CNTN5: variants seen among roughly 807,000 people sequenced by gnomAD.
CNTN5 encodes the protein contactin-5.
CNTN5 carries 77 observed loss-of-function variants against 129.1 expected under a neutral mutation model. The ratio of observed to expected loss-of-function variants is 0.60; its 90% CI spans 0.50 to 0.72. CNTN5 has a LOEUF of 0.72. Among genes scored for constraint, CNTN5 ranks in the 30% least tolerant of loss-of-function variants. The pLI is 0.00. For missense variants in CNTN5, 1,478 were observed against 1,328.8 expected (o/e 1.11, Z -1.75); for synonymous variants, 509 against 465.6 (o/e 1.09, Z -1.20).
chr11:99,067,739 A>G (rs1209331047), intron 1 of CNTN5, among the ~76,000 whole-genome samples: 1 of 152,190 alleles, frequency 6.6e-6, no homozygotes, highest in Non-Finnish European at 1.5e-5. Flanking sequence ...ATAATTTATA[A>G]TGTTGTAATA....
chr11:99,840,817 T>C (rs922177306), intron 4 of CNTN5, among the ~76,000 whole-genome samples: 2 of 152,162 alleles, frequency 1.3e-5, no homozygotes, highest in Non-Finnish European at 2.9e-5. Context: ...CAACAAGTTA[T>C]AGATTCCATC....
intron 8 of CNTN5, among the ~76,000 whole-genome samples, chr11:99,988,629 G>A (rs1938848101): frequency 6.6e-6 from 1 of 152,126 alleles, no homozygotes; most frequent in Non-Finnish European, 1.5e-5. Context: ...CAAGATTAAG[G>A]TCTGTAATAC....
intron 1 of CNTN5, among the ~76,000 whole-genome samples, chr11:99,142,374 G>A (rs151262942): frequency 8.8e-4 from 134 of 152,236 alleles, no homozygotes; most frequent in African/African-American, 3.1e-3. Flanking sequence ...GTGAGTGCAT[G>A]CCGGCAAAGC....
At chr11:99,147,446 T>C (rs1427586588) in intron 1 of CNTN5, among the ~76,000 whole-genome samples, 1 of 152,176 alleles carries the variant, frequency 6.6e-6, no homozygotes. Flanking sequence ...CAAAGCTCCA[T>C]ATATTTTAGT....
chr11:100,032,477 A>G (rs1447405199), intron 9 of CNTN5, among the ~76,000 whole-genome samples: 1 of 152,054 alleles, frequency 6.6e-6, no homozygotes, highest in African/African-American at 2.4e-5. Context: ...CTTCTTACAT[A>G]TATTTGTGAA....
intron 6 of CNTN5, 150 bp from the exon 7 acceptor site, chr11:99,915,904 T>C (rs1260032908): frequency 5.1e-6 from 3 of 593,892 alleles, no homozygotes; most frequent in African/African-American, 1.9e-5. Flanking sequence ...AATTAGATGA[T>C]GTAGATATAT....
At chr11:99,785,398 AG>A (rs1945482821) in intron 3 of CNTN5, among the ~76,000 whole-genome samples, 1 of 152,018 alleles carries the variant, frequency 6.6e-6, no homozygotes, top group Non-Finnish European at 1.5e-5. Context: ...GAAGCTCTTT[AG>A]TTTAATTAGA....
chr11:99,175,635 AT>A (rs1857734128), intron 1 of CNTN5, among the ~76,000 whole-genome samples: 1 of 152,152 alleles, frequency 6.6e-6, no homozygotes, highest in South Asian at 2.1e-4. Flanking sequence ...TAAATGAAAA[AT>A]GTCTTCTTCT....
chr11:99,348,166 C>T (rs949332899), intron 2 of CNTN5, among the ~76,000 whole-genome samples: 2 of 152,104 alleles, frequency 1.3e-5, no homozygotes, highest in Admixed American at 6.6e-5. Context: ...GGTGAAACCG[C>T]ATCTCTACTA....
chr11:100,253,774 ATAT>A (rs1258491918), intron 16 of CNTN5, among the ~76,000 whole-genome samples: 1 of 152,142 alleles, frequency 6.6e-6, no homozygotes, highest in African/African-American at 2.4e-5. Flanking sequence ...TGCAATAGAC[ATAT>A]TTTTTCATAA....
intron 12 of CNTN5, 86 bp downstream of exon 12, chr11:100,071,920 T>C (rs1943937894): frequency 8.2e-7 from 1 of 1,221,218 alleles, no homozygotes; most frequent in Non-Finnish European, 1.1e-6. Flanking sequence ...AGGTTTATGA[T>C]GTGGTTGTAA....
intron 2 of CNTN5, among the ~76,000 whole-genome samples, chr11:99,461,215 G>A (rs758084932): frequency 6.6e-6 from 1 of 152,028 alleles, no homozygotes; most frequent in African/African-American, 2.4e-5. Flanking sequence ...ATTCGGGGAA[G>A]GTATAAGTAG....
intron 3 of CNTN5, among the ~76,000 whole-genome samples, chr11:99,722,573 C>G (rs1319332066): frequency 6.6e-6 from 1 of 152,030 alleles, no homozygotes; most frequent in Admixed American, 6.6e-5. Context: ...CAACAAATCC[C>G]TGTGACACAA....
chr11:99,384,217 C>T (rs1047972677), intron 2 of CNTN5, among the ~76,000 whole-genome samples: 6 of 152,142 alleles, frequency 3.9e-5, no homozygotes, highest in East Asian at 3.9e-4. Flanking sequence ...ACTGTTTGTA[C>T]GGCCGTAAAG....
chr11:99,062,857 A>G (rs1864944811), intron 1 of CNTN5, among the ~76,000 whole-genome samples: 1 of 152,152 alleles, frequency 6.6e-6, no homozygotes. Flanking sequence ...CCAGAATCCA[A>G]GAAATTGTTA....
At chr11:100,001,679 ATATT>A (rs768744605) in intron 8 of CNTN5, among the ~76,000 whole-genome samples, 1 of 152,208 alleles carries the variant, frequency 6.6e-6, no homozygotes, top group African/African-American at 2.4e-5. Flanking sequence ...TTATAAATGA[ATATT>A]TATTTGGCAA....
chr11:99,613,670 A>C (rs1950664639), intron 3 of CNTN5, among the ~76,000 whole-genome samples: 1 of 146,352 alleles, frequency 6.8e-6, no homozygotes, highest in South Asian at 2.2e-4. Context: ...AAAAAACTAA[A>C]ATCCTTATAG....
chr11:99,928,075 C>A (rs1422519690), intron 7 of CNTN5, among the ~76,000 whole-genome samples: 1 of 152,152 alleles, frequency 6.6e-6, no homozygotes, highest in Non-Finnish European at 1.5e-5. Flanking sequence ...TCCAGTGGGA[C>A]AGTCAAATCT....
At chr11:99,872,486 A>G (rs938457159) in intron 6 of CNTN5, among the ~76,000 whole-genome samples, 6 of 152,138 alleles carry the variant, frequency 3.9e-5, no homozygotes, top group Non-Finnish European at 8.8e-5. Context: ...TCATTCCCTA[A>G]GGACAGCAGT....
Sources: allele counts gnomAD v4.1 joint callset (sites outside exome capture counted in the v4.1 genomes callset), GRCh38; gene constraint gnomAD v4.1.1; transcripts MANE v1.5; gene names NCBI Gene and HGNC (gene_info 2026-07-23, HGNC 2026-07-21).